Variants in DNAH9 observed in about 807,000 individuals in gnomAD.
DNAH9 encodes the protein DNAH9 variant protein.
DNAH9 carries 345 observed loss-of-function variants against 471.6 expected under a neutral mutation model. The observed-to-expected ratio is 0.73, with a 90% CI of 0.67 to 0.80. DNAH9 has a LOEUF of 0.80. DNAH9 is among the 30% of genes least tolerant of loss of function. The probability of loss-of-function intolerance (pLI) is 0.00; values close to 1 mark genes in which losing one functional copy is unlikely to be tolerated. For synonymous variants in DNAH9, 2,093 were observed against 2,123.6 expected (o/e 0.99, Z 0.40); for missense variants, 5,407 against 5,609.2 (o/e 0.96, Z 1.15).
At chr17:11,709,305 C>A (rs922862960) in intron 26 of DNAH9, among the ~76,000 whole-genome samples, 2 of 152,166 alleles carry the variant, frequency 1.3e-5, no homozygotes, top group Non-Finnish European at 2.9e-5. Flanking sequence ...GCATTAGTTG[C>A]TTTTCTGACA....
intron 28 of DNAH9, among the ~76,000 whole-genome samples, chr17:11,734,010 G>A (rs2075308422): frequency 1.3e-5 from 2 of 152,198 alleles, no homozygotes; most frequent in African/African-American, 2.4e-5. Flanking sequence ...TGTGGGCCAT[G>A]AAACTGGGAT....
intron 68 of DNAH9, 46 bp from the exon 69 acceptor site, chr17:11,969,254 G>A (rs1225530880): frequency 1.9e-6 from 3 of 1,562,278 alleles, no homozygotes; most frequent in Non-Finnish European, 2.6e-6. Context: ...GGTTGGCTGG[G>A]CTCTGGGTCT....
chr17:11,862,159 C>T (rs1157835859), intron 50 of DNAH9, among the ~76,000 whole-genome samples: 17 of 130,766 alleles, frequency 1.3e-4, no homozygotes, highest in Admixed American at 7.5e-5. Context: ...TTAGGTCTAA[C>T]GTTTAAGTCT....
chr17:11,598,486 G>A lies in DNAH9; in HGVS notation c.-13G>A. 2.2e-6 allele frequency: 3 copies of A among 1,362,346 alleles called. No homozygotes were observed. Among genetic ancestry groups the A allele is most frequent in the South Asian group, 1.8e-5 (1 of 56,574 alleles). The allele number at this position is 1,362,346 out of a possible 1,614,324, so 84.4% of individuals were successfully genotyped here. On this transcript the variant is annotated 5_prime_UTR_variant, in exon 1 of 69. Coordinates refer to ENST00000262442, the MANE Select transcript of DNAH9 (RefSeq NM_001372.4). ...GTCGCTAGGGAAACCGATGCAGCTG[G>A]AGGCCGCGCGCGATGCGGCTCGCGG...
Position 11,598,706 on chromosome 17 carries a change from C to T in DNAH9, c.208C>T (p.Pro70Ser), listed in dbSNP as rs28570215. The T allele has an allele frequency of 2.8e-3, 3,859 of 1,373,036 alleles. 116 individuals carry two copies. In the African/African-American group the frequency reaches 0.054, roughly 19 times the overall value. 85.1% of individuals were successfully genotyped at this position (1,373,036 alleles called of 1,614,324 possible). ...CCGCGATGCTGCCGAGGGGCCGCGG[C>T]CGCTGCTGGTGGTGCGGCCCGGGCC... ...LGRDAAEGPR[P>S]LLVVRPGPRG... is the part of the protein sequence containing the mutation. Residue 70 changes from proline (P) to serine (S), a missense_variant, in exon 1 of 69, where the codon CCG becomes TCG. This residue lies in a region of DNAH9 where 767 missense variants were observed against 692.5 expected (regional missense o/e 1.11). Coordinates refer to ENST00000262442, the MANE Select transcript of DNAH9 (RefSeq NM_001372.4).
chr17:11,969,215 C>T, intron 68 of DNAH9, 85 bp from the exon 69 acceptor site: 1 of 1,225,766 alleles, frequency 8.2e-7, no homozygotes, highest in East Asian at 2.3e-5. Flanking sequence ...AGTCTTTCCT[C>T]CCTTGGATCT....
At chr17:11,792,946 G>C (rs902056799) in intron 41 of DNAH9, among the ~76,000 whole-genome samples, 1 of 152,194 alleles carries the variant, frequency 6.6e-6, no homozygotes, top group African/African-American at 2.4e-5. Flanking sequence ...GGATCATCAT[G>C]AGTATTAAAT....
chr17:11,792,686 A>G (rs1785265303), intron 41 of DNAH9, among the ~76,000 whole-genome samples: 1 of 152,256 alleles, frequency 6.6e-6, no homozygotes, highest in African/African-American at 2.4e-5. Flanking sequence ...TATCCCTTCT[A>G]GCCCTTTGTT....
chr17:11,869,944 G>A (rs942852736), intron 51 of DNAH9, among the ~76,000 whole-genome samples: 1 of 152,222 alleles, frequency 6.6e-6, no homozygotes, highest in Non-Finnish European at 1.5e-5. Context: ...TGGCCGGGCT[G>A]GAGGCCCCCG....
At position 11,932,832 on chromosome 17, in the gene DNAH9, G is replaced by GC. The variant is rs397718146; in HGVS notation, c.12297+627_12297+628insC. On this transcript the variant is annotated intron_variant, in intron 64 of 68. Transcript: ENST00000262442. This position sits in a 1 kb window ranked among gnomAD's most constrained non-coding sequence, Gnocchi z 4.3. ...CTTCACAGCATGGCAGGTAGACTGT[G>GC]ATCAGCAGGAAGAGACTTCACACTC... Among the ~76,000 whole-genome samples, 7 of 36,520 alleles carry GC rather than the reference G, an allele frequency of 1.9e-4. No individual in the cohort carries two copies. The highest frequency in any genetic ancestry group is 7.3e-4 in the African/African-American group (7 of 9,644). 24.0% of individuals were successfully genotyped at this position (36,520 alleles called of 152,430 possible).
chr17:11,657,250 A>G (rs1264174507), intron 14 of DNAH9, among the ~76,000 whole-genome samples: 1 of 152,072 alleles, frequency 6.6e-6, no homozygotes, highest in African/African-American at 2.4e-5. Context: ...GGTCTTTTAA[A>G]TTTTTACCAT....
intron 59 of DNAH9, among the ~76,000 whole-genome samples, chr17:11,895,053 G>A (rs1973179579): frequency 6.6e-6 from 1 of 152,178 alleles, no homozygotes; most frequent in South Asian, 2.1e-4. Context: ...TAACATAGGA[G>A]GAAACAGGTC....
At chr17:11,941,710 A>AGATG (rs1014724492) in intron 66 of DNAH9, among the ~76,000 whole-genome samples, 6 of 101,996 alleles carry the variant, frequency 5.9e-5, no homozygotes, top group Non-Finnish European at 1.1e-4. Flanking sequence ...ATAGATAGAT[A>AGATG]GATAGATAGA....
chr17:11,807,416 G>A (rs1256605060), intron 43 of DNAH9, among the ~76,000 whole-genome samples: 3 of 152,128 alleles, frequency 2.0e-5, no homozygotes, highest in African/African-American at 4.8e-5. Flanking sequence ...GTTATGGTGC[G>A]GAGAAGAGCA....
chr17:11,821,076 G>A (rs1970291909), intron 45 of DNAH9, among the ~76,000 whole-genome samples: 1 of 152,082 alleles, frequency 6.6e-6, no homozygotes, highest in African/African-American at 2.4e-5. Context: ...GAGGTCGGGA[G>A]TTCGAGACCA....
chr17:11,935,509 G>A (rs1032127448), intron 65 of DNAH9, among the ~76,000 whole-genome samples: 1 of 151,774 alleles, frequency 6.6e-6, no homozygotes, highest in Non-Finnish European at 1.5e-5. Context: ...CTGAGTAGCT[G>A]GGATTACAGG....
chr17:11,797,572 C>T, intron 42 of DNAH9, 25 bp from the exon 43 acceptor site: 1 of 1,590,528 alleles, frequency 6.3e-7, no homozygotes, highest in African/African-American at 1.3e-5. Flanking sequence ...TAATGAGGGC[C>T]CTTATTCCTG....
At chr17:11,949,935 A>AATCTT (rs1975301680) in intron 67 of DNAH9, among the ~76,000 whole-genome samples, 1 of 152,228 alleles carries the variant, frequency 6.6e-6, no homozygotes, top group Admixed American at 6.5e-5. Context: ...AATACATTAT[A>AATCTT]ATCTTATTAT....
intron 61 of DNAH9, among the ~76,000 whole-genome samples, chr17:11,923,071 G>T (rs1353047642): frequency 2.3e-4 from 35 of 151,096 alleles, no homozygotes; most frequent in Middle Eastern, 3.4e-3. Context: ...TGTTTGTTTT[G>T]GTTTTTGTTT....
Sources: allele counts gnomAD v4.1 joint callset (sites outside exome capture counted in the v4.1 genomes callset), GRCh38; gene constraint gnomAD v4.1.1; regional missense constraint gnomAD v4.1.1; non-coding constraint Gnocchi (gnomAD v3.1); transcripts MANE v1.5; gene names NCBI Gene and HGNC (gene_info 2026-07-23, HGNC 2026-07-21).